Variants in ARSG observed in about 807,000 individuals in gnomAD.
ARSG encodes ASG.
ARSG carries 37 observed loss-of-function variants against 50.5 expected under a neutral mutation model. The observed-to-expected ratio is 0.73, with a 90% CI of 0.56 to 0.96. ARSG has a LOEUF of 0.96. ARSG is among the 50% of genes least tolerant of loss of function. The pLI is 0.00. For synonymous variants in ARSG, 225 were observed against 254.6 expected, an observed-to-expected ratio of 0.88 and a Z score of 1.11; for missense variants, 629 against 675.3, an observed-to-expected ratio of 0.93 and a Z score of 0.76.
chr17:68,451,782 CA>C, the ARSG span, among the ~76,000 whole-genome samples: 2 of 152,168 alleles, frequency 1.3e-5, no homozygotes, highest in African/African-American at 4.8e-5. Context: ...ATCTGGACAT[CA>C]GTATTATGAC....
chr17:68,435,762 T>C, the ARSG span: 1 of 1,537,334 alleles, frequency 6.5e-7, no homozygotes, highest in Non-Finnish European at 9.0e-7. Context: ...GGAGGGAAGA[T>C]GGATTTCACC....
At chr17:68,426,252 G>GGA (rs1294668249), downstream of ARSG, 3 of 828,070 alleles carry the variant, frequency 3.6e-6, no homozygotes, top group Admixed American at 2.3e-5. Flanking sequence ...TGGGGAGCGG[G>GGA]GGCTCAAATA....
At chr17:68,411,802 G>T (rs2082012501) in intron 11 of ARSG, among the ~76,000 whole-genome samples, 1 of 148,736 alleles carries the variant, frequency 6.7e-6, no homozygotes, top group African/African-American at 2.5e-5. Flanking sequence ...ATGAATCTGG[G>T]TGCTCCTGTA....
intron 11 of ARSG, among the ~76,000 whole-genome samples, chr17:68,401,781 G>A (rs1184929459): frequency 9.9e-5 from 15 of 152,184 alleles, no homozygotes; most frequent in Admixed American, 9.8e-4. Context: ...GAAGCCTAGA[G>A]ATATTTTAAA....
intron 11 of ARSG, among the ~76,000 whole-genome samples, chr17:68,406,587 A>C (rs1234071571): frequency 2.0e-5 from 3 of 152,132 alleles, no homozygotes; most frequent in African/African-American, 7.2e-5. Flanking sequence ...TGCAGGAATG[A>C]GGTGGTATCA....
intron 10 of ARSG, among the ~76,000 whole-genome samples, chr17:68,396,016 T>G (rs552902518): frequency 5.7e-5 from 3 of 52,592 alleles, no homozygotes; most frequent in South Asian, 4.1e-4. Context: ...TTTTTTTTTG[T>G]TTTTTTTTTT....
intron 3 of ARSG, among the ~76,000 whole-genome samples, chr17:68,344,647 G>A (rs894207573): frequency 1.3e-4 from 20 of 152,256 alleles, no homozygotes; most frequent in Admixed American, 5.9e-4. Context: ...CTTGCCCTGA[G>A]GCTCTGCCTC....
intron 1 of ARSG, among the ~76,000 whole-genome samples, chr17:68,306,174 G>A (rs1163876103): frequency 6.6e-6 from 1 of 151,810 alleles, no homozygotes; most frequent in African/African-American, 2.4e-5. Flanking sequence ...GGCTCATTTT[G>A]TATTTTTAGT....
chr17:68,325,320 A>G (rs2077461976), intron 2 of ARSG, among the ~76,000 whole-genome samples: 1 of 151,654 alleles, frequency 6.6e-6, no homozygotes, highest in Non-Finnish European at 1.5e-5. Context: ...AGTGGCTCCC[A>G]TCACCCCCAG....
chr17:68,417,748 T>C (rs1029200976), intron 11 of ARSG, among the ~76,000 whole-genome samples: 1 of 118,200 alleles, frequency 8.5e-6, no homozygotes, highest in South Asian at 2.8e-4. Flanking sequence ...TTTTTTTTTT[T>C]TTTTTTTTTT....
At chr17:68,402,352 C>G (rs1316713130) in intron 11 of ARSG, among the ~76,000 whole-genome samples, 1 of 151,734 alleles carries the variant, frequency 6.6e-6, no homozygotes, top group East Asian at 1.9e-4. Flanking sequence ...TCAAGCGATT[C>G]TCCTGCCTCA....
chr17:68,269,681 T>TTTTTTTTTG (rs2075271171), intron 1 of ARSG, among the ~76,000 whole-genome samples: 3 of 145,578 alleles, frequency 2.1e-5, no homozygotes, highest in African/African-American at 7.8e-5. Context: ...AGGTTTTTTT[T>TTTTTTTTTG]TTTTTTTTTT....
intron 6 of ARSG, among the ~76,000 whole-genome samples, chr17:68,362,886 A>T (rs992571242): frequency 1.3e-5 from 2 of 152,108 alleles, no homozygotes; most frequent in Non-Finnish European, 2.9e-5. Context: ...AATCATATCT[A>T]TTGTGCTCAT....
At chr17:68,265,367 G>A (rs549471236) in intron 1 of ARSG, among the ~76,000 whole-genome samples, 2 of 151,946 alleles carry the variant, frequency 1.3e-5, no homozygotes, top group African/African-American at 4.8e-5. Flanking sequence ...GGTGGTGCAC[G>A]CCTGTAATCC....
intron 6 of ARSG, 33 bp from the exon 7 acceptor site, chr17:68,368,515 C>G: frequency 6.2e-7 from 1 of 1,604,368 alleles, no homozygotes; most frequent in African/African-American, 1.3e-5. Context: ...GGAGAGCCTT[C>G]TGCAGAGTCA....
intron 2 of ARSG, among the ~76,000 whole-genome samples, chr17:68,318,611 G>A (rs1360546468): frequency 6.6e-6 from 1 of 152,218 alleles, no homozygotes; most frequent in Non-Finnish European, 1.5e-5. Flanking sequence ...CTGCCAGGCT[G>A]ACTCAGAGGT....
chr17:68,376,934 A>G (rs2080180004), intron 8 of ARSG, among the ~76,000 whole-genome samples: 1 of 150,714 alleles, frequency 6.6e-6, no homozygotes, highest in Admixed American at 6.7e-5. Flanking sequence ...ATCTCAGCTC[A>G]CTGCAAACTC....
chr17:68,270,777 G>T, intron 1 of ARSG: 1 of 1,398,416 alleles, frequency 7.2e-7, no homozygotes, highest in South Asian at 1.4e-5. Context: ...GCTTGAACAG[G>T]AAGCTAGCAC....
the ARSG span, among the ~76,000 whole-genome samples, chr17:68,443,264 C>G: frequency 1.3e-5 from 2 of 152,106 alleles, no homozygotes; most frequent in African/African-American, 4.8e-5. Flanking sequence ...GCACTCGCCA[C>G]CATGCTCAGC....
Sources: gnomAD v4.1 joint callset for allele counts (sites outside exome capture counted in the v4.1 genomes callset) on GRCh38, gnomAD v4.1.1 for gene constraint, MANE v1.5 for transcripts, NCBI Gene and HGNC (gene_info 2026-07-23, HGNC 2026-07-21) for gene names.